Variants in AGMO observed in about 807,000 individuals in gnomAD.
AGMO encodes the protein glyceryl-ether monooxygenase.
In AGMO, 75 loss-of-function variants were observed where a neutral mutation model predicts 60.2. The observed-to-expected ratio is 1.25, with a 90% CI of 1.03 to 1.51. The LOEUF (loss-of-function observed/expected upper bound fraction) is 1.51. Ranked by LOEUF, AGMO falls within the 40% of genes most tolerant of loss-of-function variation. The pLI, the probability that AGMO is intolerant of heterozygous loss-of-function variation, is 0.00. For missense variants in AGMO, 763 were observed against 525.5 expected, an observed-to-expected ratio of 1.45 and a Z score of -4.42; for synonymous variants, 261 against 177.1, an observed-to-expected ratio of 1.47 and a Z score of -3.76.
At chr7:15,148,890 G>A in the AGMO span, among the ~76,000 whole-genome samples, 16 of 152,132 alleles carry the variant, frequency 1.1e-4, no homozygotes, top group East Asian at 9.7e-4. Flanking sequence ...AGAAAACTCC[G>A]AACTGCTGTC....
chr7:15,478,183 T>C (rs987894088), intron 3 of AGMO, among the ~76,000 whole-genome samples: 1 of 152,132 alleles, frequency 6.6e-6, no homozygotes, highest in African/African-American at 2.4e-5. Context: ...AATTAGAAAA[T>C]GGGCATGGAA....
At chr7:15,353,834 G>A (rs1242215760) in intron 12 of AGMO, among the ~76,000 whole-genome samples, 5 of 151,998 alleles carry the variant, frequency 3.3e-5, no homozygotes, top group Admixed American at 2.6e-4. Context: ...ATGGGAGAAG[G>A]GACAGGTGAG....
chr7:15,349,118 T>C (rs1583438333), intron 12 of AGMO, among the ~76,000 whole-genome samples: 1 of 152,240 alleles, frequency 6.6e-6, no homozygotes, highest in East Asian at 1.9e-4. Flanking sequence ...TAGAGGCACA[T>C]GGACAATAAT....
chr7:15,383,360 C>G (rs935542191), intron 10 of AGMO, among the ~76,000 whole-genome samples: 1 of 151,644 alleles, frequency 6.6e-6, no homozygotes, highest in Admixed American at 6.6e-5. Flanking sequence ...TAGTCCCAAA[C>G]TTTTCAGTTA....
chr7:15,232,012 T>A (rs1782275881), intron 12 of AGMO, among the ~76,000 whole-genome samples: 1 of 152,198 alleles, frequency 6.6e-6, no homozygotes, highest in African/African-American at 2.4e-5. Context: ...TTTTCCATAT[T>A]TCTCCCCAAA....
intron 12 of AGMO, among the ~76,000 whole-genome samples, chr7:15,325,621 T>C (rs1344018034): frequency 1.3e-5 from 2 of 152,050 alleles, no homozygotes; most frequent in Non-Finnish European, 2.9e-5. Flanking sequence ...AGGAAAATGG[T>C]TGAAACAGAA....
intron 12 of AGMO, among the ~76,000 whole-genome samples, chr7:15,339,895 T>G (rs1781785573): frequency 6.6e-6 from 1 of 152,218 alleles, no homozygotes; most frequent in Non-Finnish European, 1.5e-5. Flanking sequence ...ATGTTCATTA[T>G]TAATATTTAG....
intron 12 of AGMO, among the ~76,000 whole-genome samples, chr7:15,309,643 G>A (rs546968758): frequency 6.6e-6 from 1 of 152,036 alleles, no homozygotes; most frequent in Non-Finnish European, 1.5e-5. Flanking sequence ...AATATTGTAG[G>A]TGCATATATA....
the AGMO span, among the ~76,000 whole-genome samples, chr7:15,145,501 A>G: frequency 6.6e-6 from 1 of 152,160 alleles, no homozygotes; most frequent in African/African-American, 2.4e-5. Context: ...TTCAAAGTAA[A>G]TAACAGAATA....
intron 2 of AGMO, among the ~76,000 whole-genome samples, chr7:15,556,716 C>T (rs1441129755): frequency 6.6e-6 from 1 of 152,000 alleles, no homozygotes; most frequent in East Asian, 1.9e-4. Context: ...GATACGTTTG[C>T]TTAAACAATA....
chr7:15,410,170 A>G (rs1322424217), intron 5 of AGMO, among the ~76,000 whole-genome samples: 2 of 151,706 alleles, frequency 1.3e-5, no homozygotes, highest in African/African-American at 2.4e-5. Context: ...CTACTTCTTC[A>G]TGAAGAAAAT....
chr7:15,426,123 A>G (rs1291216716), intron 4 of AGMO, among the ~76,000 whole-genome samples: 1 of 152,218 alleles, frequency 6.6e-6, no homozygotes, highest in Non-Finnish European at 1.5e-5. Flanking sequence ...AAATATTTAA[A>G]TGAATAACAG....
intron 12 of AGMO, among the ~76,000 whole-genome samples, chr7:15,296,793 C>G (rs1011441819): frequency 6.6e-6 from 1 of 152,040 alleles, no homozygotes; most frequent in Non-Finnish European, 1.5e-5. Context: ...TCAGGAAGAC[C>G]AAATAACTTG....
chr7:15,176,142 A>T, the AGMO span, among the ~76,000 whole-genome samples: 1 of 152,042 alleles, frequency 6.6e-6, no homozygotes, highest in Non-Finnish European at 1.5e-5. Flanking sequence ...TTCAAGATTT[A>T]TACTTAATTT....
chr7:15,456,328 GTTTC>G (rs1781997275), intron 3 of AGMO, among the ~76,000 whole-genome samples: 1 of 151,870 alleles, frequency 6.6e-6, no homozygotes, highest in African/African-American at 2.4e-5. Context: ...TGTTTCTCCT[GTTTC>G]TTTTGTTGTT....
At chr7:15,266,632 G>A (rs1008411833) in intron 12 of AGMO, among the ~76,000 whole-genome samples, 4 of 151,656 alleles carry the variant, frequency 2.6e-5, no homozygotes, top group African/African-American at 9.7e-5. Context: ...TCCTAGTAAA[G>A]GCTGAGAGGG....
At chr7:15,531,779 G>A (rs1372600346) in intron 3 of AGMO, among the ~76,000 whole-genome samples, 1 of 150,298 alleles carries the variant, frequency 6.7e-6, no homozygotes, top group South Asian at 2.1e-4. Flanking sequence ...TCATACCTCA[G>A]CCATCCAAGT....
At chr7:15,258,532 G>C (rs939030626) in intron 12 of AGMO, among the ~76,000 whole-genome samples, 2 of 151,246 alleles carry the variant, frequency 1.3e-5, no homozygotes, top group Non-Finnish European at 2.9e-5. Context: ...CCTGGCAACA[G>C]AGCAAGACTC....
chr7:15,387,615 T>C (rs529652950), intron 8 of AGMO, 75 bp from the exon 9 acceptor site: 2 of 1,331,390 alleles, frequency 1.5e-6, no homozygotes, highest in Admixed American at 2.2e-5. Context: ...TTATGTATAT[T>C]ATTTTATTGT....
Sources: allele counts gnomAD v4.1 joint callset (sites outside exome capture counted in the v4.1 genomes callset), GRCh38; gene constraint gnomAD v4.1.1; transcripts MANE v1.5; gene names NCBI Gene and HGNC (gene_info 2026-07-23, HGNC 2026-07-21).